Variants in IRAK3 observed in about 807,000 individuals in gnomAD.
IRAK3 encodes the protein interleukin 1 receptor associated kinase 3, also known as interleukin-1 receptor-associated kinase 3.
Under a neutral mutation model 56.6 loss-of-function variants are expected in IRAK3, and 57 were observed. That is an observed-to-expected ratio of 1.01 (90% CI 0.81 to 1.26). The LOEUF (loss-of-function observed/expected upper bound fraction) is 1.26. Ranked by LOEUF, IRAK3 falls within the 50% of genes most tolerant of loss-of-function variation. IRAK3 has a pLI of 0.00. For synonymous variants in IRAK3, 258 were observed against 255.7 expected (o/e 1.01, Z -0.09); for missense variants, 703 against 719.0 (o/e 0.98, Z 0.25).
At chr12:66,222,237 G>A (rs889347789) in intron 6 of IRAK3, among the ~76,000 whole-genome samples, 1 of 152,126 alleles carries the variant, frequency 6.6e-6, no homozygotes, top group Non-Finnish European at 1.5e-5. Flanking sequence ...AAAAGATTTT[G>A]ACAGGGATTA....
chr12:66,209,619 C>T (rs11465955), intron 3 of IRAK3, 99 bp downstream of exon 3: 199,665 of 804,198 alleles, frequency 0.25, 26,649 homozygotes, highest in Middle Eastern at 0.31. Flanking sequence ...CTGGATTTGC[C>T]GGCACTTTTT....
chr12:66,228,296 A>T lies in IRAK3; in HGVS notation c.813A>T (p.Leu271Phe), dbSNP rs1228479756. The T allele has an allele frequency of 6.2e-7, 1 of 1,614,050 alleles. No individual in the cohort carries two copies. Among genetic ancestry groups the T allele is most frequent in the East Asian group, 2.2e-5 (1 of 44,892 alleles). ...PLPWHIRIGI[L>F]IGISKAIHYL... is the part of the protein sequence containing the mutation. ...CTTGGCACATTCGAATCGGTATATT[A>T]ATAGGAATATCCAAAGCCATTCACT... Residue 271 changes from leucine to phenylalanine, a missense_variant, in exon 8 of 12, where the codon TTA (leucine) becomes TTT (phenylalanine). Leu to Phe is a conservative substitution (Grantham distance 22). Coordinates refer to ENST00000261233, the MANE Select transcript of IRAK3 (RefSeq NM_007199.3).
At chr12:66,224,657 C>T (rs530080784) in intron 6 of IRAK3, among the ~76,000 whole-genome samples, 1 of 152,166 alleles carries the variant, frequency 6.6e-6, no homozygotes, top group African/African-American at 2.4e-5. Context: ...TTTGGCTTAA[C>T]CTTTTATTTC....
At chr12:66,220,063 C>A (rs891650052) in intron 6 of IRAK3, among the ~76,000 whole-genome samples, 1 of 152,092 alleles carries the variant, frequency 6.6e-6, no homozygotes, top group Non-Finnish European at 1.5e-5. Flanking sequence ...TATAGTTCCA[C>A]TTGTTCATTT....
chr12:66,204,778 G>GCACACACACA (rs59511601), intron 2 of IRAK3, among the ~76,000 whole-genome samples: 50 of 147,918 alleles, frequency 3.4e-4, no homozygotes, highest in South Asian at 1.5e-3. Context: ...GAGCCCTTGC[G>GCACACACACA]CACACACACA....
chr12:66,193,430 C>T (rs1034655001), intron 1 of IRAK3, among the ~76,000 whole-genome samples: 4 of 152,216 alleles, frequency 2.6e-5, no homozygotes, highest in African/African-American at 9.6e-5. Context: ...CCATTATTAA[C>T]ATCTTGCATG....
At chr12:66,237,415 G>A (rs1017951741) in intron 8 of IRAK3, among the ~76,000 whole-genome samples, 6 of 152,004 alleles carry the variant, frequency 3.9e-5, no homozygotes, top group Admixed American at 6.6e-5. Flanking sequence ...CCCATTTGCC[G>A]CTGGAATTAT....
At chr12:66,210,252 A>C (rs1808872156) in intron 4 of IRAK3, 51 bp downstream of exon 4, 4 of 1,028,640 alleles carry the variant, frequency 3.9e-6, no homozygotes, top group Non-Finnish European at 6.2e-6. Flanking sequence ...TCATACTTTC[A>C]TTTAAGTGAA....
chr12:66,245,525 C>T (rs1480278741), intron 11 of IRAK3, among the ~76,000 whole-genome samples: 1 of 135,538 alleles, frequency 7.4e-6, no homozygotes, highest in Non-Finnish European at 1.6e-5. Flanking sequence ...ATATTTTATT[C>T]AATCTTTTTT....
intron 8 of IRAK3, among the ~76,000 whole-genome samples, chr12:66,230,017 GA>G (rs1325806070): frequency 1.3e-5 from 2 of 152,182 alleles, no homozygotes; most frequent in African/African-American, 4.8e-5. Context: ...AAAGAAAAGA[GA>G]AGGTGTTGGG....
rs2052784753 is a variant in IRAK3, at chr12:66,226,265, G to A, written c.654-458G>A. ...TTTTTTTTTTTTCTTTTTTGAGGTG[G>A]AGTCTCGCTCTTGTCGCACAGGCTG... On this transcript the variant is annotated intron_variant, in intron 6 of 11. Transcript: ENST00000261233. Among the ~76,000 whole-genome samples, 4 of 151,064 alleles carry A rather than the reference G, an allele frequency of 2.6e-5. No individual in the cohort carries two copies. In the South Asian group the frequency reaches 6.3e-4, roughly 24 times the overall value.
In IRAK3 at chr12:66,228,372, T is replaced by A. The variant is rs1414524738; in HGVS notation, c.887+2T>A. ...GGTCATCTGTGGCAGTATATCAAGG[T>A]AAATTATTCCAGAGCTTTTGGTTAT... On this transcript the variant is annotated splice_donor_variant, in intron 8 of 11. Coordinates refer to ENST00000261233, the MANE Select transcript of IRAK3 (RefSeq NM_007199.3). LOFTEE classifies it high-confidence loss of function. 2 of 1,603,574 alleles carry A rather than the reference T, an allele frequency of 1.2e-6. No individual in the cohort carries two copies. Among genetic ancestry groups the A allele is most frequent in the Middle Eastern group, 1.7e-4 (1 of 6,044 alleles).
chr12:66,247,608 G>T, intron 11 of IRAK3, 87 bp from the exon 12 acceptor site: 1 of 874,306 alleles, frequency 1.1e-6, no homozygotes, highest in Non-Finnish European at 1.9e-6. Context: ...GAAAATGAAA[G>T]AATATTCTTT....
At chr12:66,237,678 G>A (rs2136947510) in intron 8 of IRAK3, among the ~76,000 whole-genome samples, 1 of 152,302 alleles carries the variant, frequency 6.6e-6, no homozygotes, top group African/African-American at 2.4e-5. Context: ...CTATAGCAGT[G>A]ATGACAAGTC....
At chr12:66,224,843 G>T (rs534434918) in intron 6 of IRAK3, among the ~76,000 whole-genome samples, 1 of 152,250 alleles carries the variant, frequency 6.6e-6, no homozygotes, top group South Asian at 2.1e-4. Context: ...GCATCATTTT[G>T]TCTGAACAAG....
At chr12:66,234,383 G>T in intron 8 of IRAK3, 1 of 1,612,008 alleles carries the variant, frequency 6.2e-7, no homozygotes, top group Non-Finnish European at 8.5e-7. Flanking sequence ...CGTCCAAGAA[G>T]GACTTTGCAC....
intron 8 of IRAK3, among the ~76,000 whole-genome samples, chr12:66,229,627 T>G (rs769395431): frequency 1.3e-5 from 2 of 152,200 alleles, no homozygotes; most frequent in African/African-American, 4.8e-5. Flanking sequence ...ATCCAGCAAC[T>G]GCTAATGGCT....
At position 66,253,279 on chromosome 12, in the gene IRAK3, C is replaced by T. The variant is rs12310652; in HGVS notation, c.*5108C>T. 3.0e-3 allele frequency: 458 copies of T among 152,286 alleles called. 1 individual carries two copies. The highest frequency in any genetic ancestry group is 0.011 in the African/African-American group (440 of 41,558). The allele number at this position is 152,286 out of a possible 1,614,324, so 9.4% of individuals were successfully genotyped here. On this transcript the variant is annotated 3_prime_UTR_variant, in exon 12 of 12. Transcript: ENST00000261233. ...AGCTACTAATTTTAAATACTAATATCTGAGATATCTTCGAAAAGAAGATTA... is the reference window on the plus strand; with the variant it reads ...AGCTACTAATTTTAAATACTAATATTTGAGATATCTTCGAAAAGAAGATTA...
chr12:66,214,400 G>A (rs146014206), intron 5 of IRAK3, among the ~76,000 whole-genome samples: 4 of 152,132 alleles, frequency 2.6e-5, no homozygotes, highest in African/African-American at 9.6e-5. Context: ...AAATAGCTGG[G>A]TGTGGTGGTG....
Sources: gnomAD v4.1 joint callset for allele counts (sites outside exome capture counted in the v4.1 genomes callset) on GRCh38, gnomAD v4.1.1 for gene constraint, MANE v1.5 for transcripts, NCBI Gene and HGNC (gene_info 2026-07-23, HGNC 2026-07-21) for gene names.